CLASP1: variants seen among roughly 807,000 people sequenced by gnomAD.
The protein encoded by CLASP1 is cytoplasmic linker associated protein 1.
In CLASP1, 38 loss-of-function variants were observed where a neutral mutation model predicts 192.3. The observed-to-expected ratio is 0.20, with a 90% confidence interval of 0.15 to 0.26. The LOEUF (loss-of-function observed/expected upper bound fraction) is 0.26. Among genes scored for constraint, CLASP1 ranks in the 10% least tolerant of loss-of-function variants. CLASP1 has a pLI of 1.00. For synonymous variants in CLASP1, 691 were observed against 712.8 expected, an observed-to-expected ratio of 0.97 and a Z score of 0.49; for missense variants, 1,433 against 1,932.5, an observed-to-expected ratio of 0.74 and a Z score of 4.85.
At chr2:121,639,694 T>C (rs1452293836) in intron 1 of CLASP1, among the ~76,000 whole-genome samples, 2 of 151,622 alleles carry the variant, frequency 1.3e-5, no homozygotes, top group Non-Finnish European at 2.9e-5. Flanking sequence ...AGAAACCCTG[T>C]CTCTACTAAA....
chr2:121,404,338 G>C, intron 26 of CLASP1, 33 bp downstream of exon 27: 1 of 1,606,054 alleles, frequency 6.2e-7, no homozygotes, highest in East Asian at 2.2e-5. Flanking sequence ...ACATGCAGGG[G>C]TAAAGACAGG....
exon 17 of CLASP1, chr2:121,448,979 T>TGAGCGGTCTGACTGAGGCAGA: frequency 6.2e-7 from 1 of 1,613,978 alleles, no homozygotes; most frequent in Non-Finnish European, 8.5e-7. Flanking sequence ...AGCTGGAAGA[T>TGAGCGGTCTGACTGAGGCAGA]GAGCGGTCTG....
At chr2:121,608,540 G>C (rs1009474468) in intron 1 of CLASP1, among the ~76,000 whole-genome samples, 3 of 152,188 alleles carry the variant, frequency 2.0e-5, no homozygotes, top group Admixed American at 2.0e-4. Context: ...AACATGCTCT[G>C]ACCAACAGCC....
chr2:121,502,562 T>A (rs78868778), intron 8 of CLASP1, among the ~76,000 whole-genome samples: 21 of 152,240 alleles, frequency 1.4e-4, no homozygotes, highest in African/African-American at 4.3e-4. Context: ...GCTCAGAATG[T>A]TCAAAATTAG....
At chr2:121,535,048 C>T (rs1274208384) in intron 2 of CLASP1, among the ~76,000 whole-genome samples, 3 of 152,196 alleles carry the variant, frequency 2.0e-5, no homozygotes, top group Non-Finnish European at 4.4e-5. Flanking sequence ...CAGGCAGAGG[C>T]AGGCGGATTG....
intron 12 of CLASP1, chr2:121,459,715 A>G: frequency 3.4e-6 from 1 of 296,354 alleles, no homozygotes; most frequent in Non-Finnish European, 6.2e-6. Flanking sequence ...ATAGAATTTC[A>G]CTTTTCCATA....
At chr2:121,371,892 C>T (rs1246596957) in intron 34 of CLASP1, among the ~76,000 whole-genome samples, 3 of 152,200 alleles carry the variant, frequency 2.0e-5, no homozygotes, top group Non-Finnish European at 4.4e-5. Context: ...ATCCTTATTT[C>T]TCTCCAGTTT....
chr2:121,568,890 CAGGAATAGTTTGG>C (rs1225728601), intron 2 of CLASP1, among the ~76,000 whole-genome samples: 1 of 151,970 alleles, frequency 6.6e-6, no homozygotes, highest in Non-Finnish European at 1.5e-5. Context: ...AGGGAGGTGG[CAGGAATAGTTTGG>C]AGGAATAGAA....
intron 8 of CLASP1, among the ~76,000 whole-genome samples, chr2:121,477,390 CAATT>C (rs1286076827): frequency 6.6e-6 from 1 of 152,106 alleles, no homozygotes; most frequent in East Asian, 1.9e-4. Context: ...TCAACAAAGA[CAATT>C]AAAACCTCAA....
chr2:121,474,531 T>C (rs1378216201), intron 8 of CLASP1, among the ~76,000 whole-genome samples: 1 of 152,030 alleles, frequency 6.6e-6, no homozygotes, highest in Non-Finnish European at 1.5e-5. Flanking sequence ...GGTCAGGAGA[T>C]AGAGACCATC....
At chr2:121,350,118 T>A (rs1017262308) in intron 37 of CLASP1, among the ~76,000 whole-genome samples, 3 of 152,244 alleles carry the variant, frequency 2.0e-5, no homozygotes, top group Non-Finnish European at 4.4e-5. Flanking sequence ...ACTCGAATAC[T>A]TTTTGCCTAC....
intron 33 of CLASP1, among the ~76,000 whole-genome samples, chr2:121,379,386 C>T (rs756374860): frequency 3.3e-5 from 5 of 152,152 alleles, no homozygotes; most frequent in Non-Finnish European, 7.3e-5. Flanking sequence ...ACAAGGCTGT[C>T]TGTCAAAGAG....
chr2:121,481,710 C>T (rs144679641), intron 8 of CLASP1, among the ~76,000 whole-genome samples: 126 of 152,294 alleles, frequency 8.3e-4, no homozygotes, highest in African/African-American at 2.9e-3. Context: ...TCCCAGAGCA[C>T]CAGTCTTGCC....
intron 34 of CLASP1, among the ~76,000 whole-genome samples, chr2:121,376,845 T>C (rs1216264804): frequency 2.0e-5 from 3 of 152,192 alleles, no homozygotes; most frequent in Non-Finnish European, 4.4e-5. Flanking sequence ...GGGATCTAGG[T>C]TGCGTGGTCC....
chr2:121,602,029 G>A (rs2063839634), intron 2 of CLASP1, among the ~76,000 whole-genome samples: 1 of 151,936 alleles, frequency 6.6e-6, no homozygotes, highest in Non-Finnish European at 1.5e-5. Flanking sequence ...ACAAAAATCA[G>A]CCGGGTATGG....
At chr2:121,345,200 G>A (rs2063302480) in intron 39 of CLASP1, among the ~76,000 whole-genome samples, 1 of 152,134 alleles carries the variant, frequency 6.6e-6, no homozygotes, top group South Asian at 2.1e-4. Context: ...TACGAAAGCA[G>A]AAAGATGTGA....
rs530488527 is a variant in CLASP1 at position 121,533,931 on chromosome 2, T to C, written c.196-3606A>G. On this transcript the variant is annotated intron_variant, in intron 2 of 39. Transcript: ENST00000263710. ...AAGGTCCAACACATCTTCTTTATCC[T>C]ACAAACCTTTAAAAGACTCTTTTGT... Among the ~76,000 whole-genome samples the C allele has an allele frequency of 3.9e-5, 6 of 152,308 alleles. No individual in the cohort carries two copies. The South Asian group carries it at 1.2e-3, about 32-fold the overall frequency.
At chr2:121,520,121 G>A (rs775713396) in intron 6 of CLASP1, among the ~76,000 whole-genome samples, 27 of 152,204 alleles carry the variant, frequency 1.8e-4, no homozygotes, top group Non-Finnish European at 2.9e-4. Context: ...GCACACTGGA[G>A]GGTGTAGAGG....
chr2:121,586,604 G>A (rs2061741663), intron 2 of CLASP1, among the ~76,000 whole-genome samples: 1 of 151,982 alleles, frequency 6.6e-6, no homozygotes, highest in Non-Finnish European at 1.5e-5. Flanking sequence ...GTTGGCATAA[G>A]GTTTTCTTAA....
Sources: allele counts gnomAD v4.1 joint callset (sites outside exome capture counted in the v4.1 genomes callset), GRCh38; gene constraint gnomAD v4.1.1; transcripts MANE v1.5; gene names NCBI Gene and HGNC (gene_info 2026-07-23, HGNC 2026-07-21).